MEGF11: variants seen among roughly 807,000 people sequenced by gnomAD.
The protein encoded by MEGF11 is multiple EGF like domains 11.
MEGF11 carries 126 observed loss-of-function variants against 146.6 expected under a neutral mutation model. The observed-to-expected ratio is 0.86, with a 90% CI of 0.74 to 1.00. MEGF11 has a LOEUF of 1.00. Ranked by LOEUF, MEGF11 falls within the 50% of genes least tolerant of loss-of-function variation. The probability of loss-of-function intolerance (pLI) is 0.00; values close to 1 mark genes in which losing one functional copy is unlikely to be tolerated. For missense variants in MEGF11, 1,509 were observed against 1,521.2 expected, an observed-to-expected ratio of 0.99 and a Z score of 0.13; for synonymous variants, 532 against 583.4, an observed-to-expected ratio of 0.91 and a Z score of 1.27.
intron 10 of MEGF11, among the ~76,000 whole-genome samples, chr15:65,951,661 T>C (rs143297890): frequency 1.2e-4 from 19 of 152,098 alleles, no homozygotes; most frequent in Admixed American, 2.6e-4. Flanking sequence ...CATTTCAGCC[T>C]AGGCAACAGA....
Position 66,190,450 on chromosome 15 carries a change from C to T in MEGF11, c.-8-62039G>A, listed in dbSNP as rs150033030. 3.0e-3 allele frequency among the ~76,000 whole-genome samples: 462 copies of T among 152,278 alleles called. 4 individuals carry two copies. Among genetic ancestry groups the T allele is most frequent in the African/African-American group, 0.01 (430 of 41,548 alleles). On this transcript the variant is annotated intron_variant, in intron 1 of 25. Transcript: ENST00000395614. ...TCTATGGGGATTGGTAAGAGCAGAA[C>T]TGAGCCCTTTGTGACCAAGGAAGGA...
intron 5 of MEGF11, among the ~76,000 whole-genome samples, chr15:66,068,334 C>T (rs1410141293): frequency 6.6e-6 from 1 of 152,108 alleles, no homozygotes; most frequent in African/African-American, 2.4e-5. Flanking sequence ...AGTGGGATAA[C>T]CCTTGTGTGG....
chr15:66,005,033 G>A (rs1321996904), intron 5 of MEGF11, among the ~76,000 whole-genome samples: 4 of 152,194 alleles, frequency 2.6e-5, no homozygotes, highest in Admixed American at 6.5e-5. Context: ...GTTGCAGTGT[G>A]CTATGATCAT....
chr15:66,015,135 G>A (rs879005465), intron 5 of MEGF11, among the ~76,000 whole-genome samples: 1 of 152,200 alleles, frequency 6.6e-6, no homozygotes, highest in Admixed American at 6.5e-5. Flanking sequence ...CAACAGCACG[G>A]CACACAGTTA....
chr15:66,150,847 A>ATT (rs1202602526), intron 1 of MEGF11, among the ~76,000 whole-genome samples: 6 of 148,030 alleles, frequency 4.1e-5, no homozygotes, highest in East Asian at 4.0e-4. Flanking sequence ...AGAGAGAGAG[A>ATT]GAGAGAGAGA....
intron 10 of MEGF11, among the ~76,000 whole-genome samples, chr15:65,952,939 T>G (rs1272921531): frequency 6.6e-6 from 1 of 152,164 alleles, no homozygotes; most frequent in East Asian, 1.9e-4. Context: ...CATCTCTATC[T>G]CCATTTCCCC....
intron 5 of MEGF11, among the ~76,000 whole-genome samples, chr15:66,027,195 A>C (rs1215894927): frequency 6.6e-6 from 1 of 152,210 alleles, no homozygotes; most frequent in East Asian, 1.9e-4. Context: ...ACTGATCAGC[A>C]CACTTCCAGA....
rs565294324 is a variant in MEGF11, at chr15:66,215,231, T to C, written c.-9+38374A>G. On this transcript the variant is annotated intron_variant, in intron 1 of 25. Transcript: ENST00000395614. ...CTTTACCTTCCCTCAGCCATCGCTTTGTATCTTCGCATTGGTCTCTTAGAC... is the reference window on the plus strand; with the variant it reads ...CTTTACCTTCCCTCAGCCATCGCTTCGTATCTTCGCATTGGTCTCTTAGAC... Among the ~76,000 whole-genome samples, 38 of 152,224 alleles carry C rather than the reference T, an allele frequency of 2.5e-4. 1 individual carries two copies. The South Asian group carries it at 7.7e-3, about 31-fold the overall frequency.
intron 4 of MEGF11, among the ~76,000 whole-genome samples, chr15:66,117,011 C>T (rs985261398): frequency 6.6e-6 from 1 of 152,198 alleles, no homozygotes; most frequent in Admixed American, 6.5e-5. Context: ...GGGCAAATTA[C>T]AGAAGCTCTA....
intron 1 of MEGF11, among the ~76,000 whole-genome samples, chr15:66,211,690 T>C (rs571165062): frequency 6.6e-6 from 1 of 151,754 alleles, no homozygotes; most frequent in African/African-American, 2.4e-5. Context: ...GTCGGTGCTA[T>C]GATGTGCTAA....
chr15:65,899,453 C>T lies in MEGF11; in HGVS notation c.3056-519G>A, dbSNP rs554615045. Among the ~76,000 whole-genome samples the T allele has an allele frequency of 2.0e-5, 3 of 152,298 alleles. No homozygotes were observed. In the South Asian group the frequency reaches 6.2e-4, roughly 32 times the overall value. On this transcript the variant is annotated intron_variant, in intron 24 of 25. Transcript: ENST00000395614. ...AAACTCCTGGGCTTAAGTGATTCTCCCGCCTCAGCCTCCTGAGTAGCTGGT... is the reference window on the plus strand; with the variant it reads ...AAACTCCTGGGCTTAAGTGATTCTCTCGCCTCAGCCTCCTGAGTAGCTGGT...
chr15:66,166,902 G>T (rs1422109879), intron 1 of MEGF11, among the ~76,000 whole-genome samples: 1 of 152,162 alleles, frequency 6.6e-6, no homozygotes, highest in Non-Finnish European at 1.5e-5. Context: ...GATTCTTACA[G>T]CTACAGGGTG....
chr15:66,194,278 A>AAATGGGAGCTAT (rs1403622852), intron 1 of MEGF11, among the ~76,000 whole-genome samples: 2 of 152,178 alleles, frequency 1.3e-5, no homozygotes, highest in Admixed American at 1.3e-4. Flanking sequence ...TCTTACTCAT[A>AAATGGGAGCTAT]AATGGGAGCT....
intron 4 of MEGF11, among the ~76,000 whole-genome samples, chr15:66,113,153 C>T (rs2087524883): frequency 6.6e-6 from 1 of 152,168 alleles, no homozygotes; most frequent in Non-Finnish European, 1.5e-5. Context: ...CCAGAGTCCA[C>T]CCGTGAGGCC....
chr15:66,242,174 A>G (rs1226871116), intron 1 of MEGF11, among the ~76,000 whole-genome samples: 1 of 152,114 alleles, frequency 6.6e-6, no homozygotes, highest in Non-Finnish European at 1.5e-5. Context: ...TGGGAGGCCA[A>G]AGCAGGAGGA....
chr15:66,019,528 C>G (rs930147886), intron 5 of MEGF11, among the ~76,000 whole-genome samples: 1 of 152,230 alleles, frequency 6.6e-6, no homozygotes, highest in Non-Finnish European at 1.5e-5. Context: ...GGGGGCAGCA[C>G]AAGCCTCTCC....
intron 5 of MEGF11, among the ~76,000 whole-genome samples, chr15:66,028,387 A>G (rs1271508929): frequency 6.6e-6 from 1 of 152,230 alleles, no homozygotes; most frequent in Non-Finnish European, 1.5e-5. Flanking sequence ...AACAAATAAC[A>G]TGCACTGCTG....
intron 1 of MEGF11, among the ~76,000 whole-genome samples, chr15:66,251,705 C>T (rs530037633): frequency 1.3e-5 from 2 of 152,356 alleles, no homozygotes; most frequent in African/African-American, 2.4e-5. Flanking sequence ...AGAAAAGGCC[C>T]TGACCCAGAA....
chr15:66,088,622 C>A (rs1274007383), intron 5 of MEGF11, among the ~76,000 whole-genome samples: 1 of 151,250 alleles, frequency 6.6e-6, no homozygotes, highest in Non-Finnish European at 1.5e-5. Context: ...ACCACTGCAC[C>A]CCAGCCTGGG....
Sources: allele counts gnomAD v4.1 joint callset (sites outside exome capture counted in the v4.1 genomes callset), GRCh38; gene constraint gnomAD v4.1.1; transcripts MANE v1.5; gene names NCBI Gene and HGNC (gene_info 2026-07-23, HGNC 2026-07-21).